Variants in LTAP1 observed in about 807,000 individuals in gnomAD.
The protein encoded by LTAP1 is HCV NS5A-transactivated protein 4.
the LTAP1 span, among the ~76,000 whole-genome samples, chr1:154,208,733 A>T: frequency 6.6e-6 from 1 of 152,276 alleles, no homozygotes; most frequent in South Asian, 2.1e-4. Flanking sequence ...GAACATTCCT[A>T]GAAACTACAA....
the LTAP1 span, chr1:154,213,877 G>C: frequency 1.3e-5 from 21 of 1,609,204 alleles, no homozygotes; most frequent in Non-Finnish European, 1.7e-5. Context: ...AATGGACCCT[G>C]TCAGGTAGCC....
chr1:154,216,341 T>A, the LTAP1 span, among the ~76,000 whole-genome samples: 5 of 31,070 alleles, frequency 1.6e-4, no homozygotes, highest in Non-Finnish European at 2.2e-4. Context: ...AAAAAAAAAA[T>A]TTTTTTTTTT....
At chr1:154,216,908 C>G in the LTAP1 span, among the ~76,000 whole-genome samples, 1 of 152,022 alleles carries the variant, frequency 6.6e-6, no homozygotes, top group Non-Finnish European at 1.5e-5. Flanking sequence ...CTCGGCCTCC[C>G]AAAGTGCTAG....
At chr1:154,213,500 GAT>G in the LTAP1 span, among the ~76,000 whole-genome samples, 3 of 152,298 alleles carry the variant, frequency 2.0e-5, no homozygotes, top group African/African-American at 7.2e-5. Context: ...CTAGGTTTAA[GAT>G]ATAAACTGTT....
the LTAP1 span, chr1:154,214,611 C>A: frequency 7.5e-7 from 1 of 1,333,264 alleles, no homozygotes; most frequent in Non-Finnish European, 1.1e-6. Flanking sequence ...ATCATTTACC[C>A]TGCACTCTGC....
At chr1:154,215,750 G>A in the LTAP1 span, among the ~76,000 whole-genome samples, 1 of 151,722 alleles carries the variant, frequency 6.6e-6, no homozygotes, top group Non-Finnish European at 1.5e-5. Context: ...AGGTAACATA[G>A]ATGTACATTT....
the LTAP1 span, chr1:154,212,301 C>T: frequency 1.4e-5 from 23 of 1,613,790 alleles, no homozygotes; most frequent in South Asian, 5.5e-5. Flanking sequence ...CCCTCTGACA[C>T]GTTCCCCTCC....
chr1:154,207,952 T>A, the LTAP1 span, among the ~76,000 whole-genome samples: 1 of 151,826 alleles, frequency 6.6e-6, no homozygotes, highest in Non-Finnish European at 1.5e-5. Context: ...AATACAAAAA[T>A]TAGCTGGGAG....
the LTAP1 span, among the ~76,000 whole-genome samples, chr1:154,218,621 G>A: frequency 6.6e-6 from 1 of 152,176 alleles, no homozygotes. Context: ...CAACTAACCT[G>A]TTTTTCATTC....
the LTAP1 span, among the ~76,000 whole-genome samples, chr1:154,209,087 G>A: frequency 1.3e-5 from 2 of 152,106 alleles, no homozygotes; most frequent in Non-Finnish European, 2.9e-5. Flanking sequence ...TAAAATACAT[G>A]TAACATAAAA....
chr1:154,214,137 C>T, the LTAP1 span, among the ~76,000 whole-genome samples: 1 of 152,194 alleles, frequency 6.6e-6, no homozygotes, highest in East Asian at 1.9e-4. Flanking sequence ...ATTAGCCAGG[C>T]GTGGTGGCGC....
chr1:154,215,840 C>CT, the LTAP1 span, among the ~76,000 whole-genome samples: 771 of 137,730 alleles, frequency 5.6e-3, 6 homozygotes, highest in African/African-American at 0.014. Flanking sequence ...CACTAACTTT[C>CT]TTTTTTTTTT....
the LTAP1 span, among the ~76,000 whole-genome samples, chr1:154,211,321 ATTCTTTTTTTTT>A: frequency 1.1e-3 from 104 of 92,864 alleles, no homozygotes; most frequent in African/African-American, 4.7e-3. Context: ...ATGTTATTTA[ATTCTTTTTTTTT>A]TTTTTTTTTT....
chr1:154,220,035 G>C, the LTAP1 span: 3 of 1,095,276 alleles, frequency 2.7e-6, no homozygotes, highest in Admixed American at 7.8e-5. Context: ...CCAGATTCCG[G>C]CTCTCAGGAA....
the LTAP1 span, among the ~76,000 whole-genome samples, chr1:154,218,240 C>T: frequency 3.9e-5 from 6 of 152,192 alleles, no homozygotes; most frequent in African/African-American, 1.4e-4. Flanking sequence ...ACTGTTGGAC[C>T]ATGGATTAGG....
the LTAP1 span, among the ~76,000 whole-genome samples, chr1:154,211,066 G>A: frequency 6.6e-6 from 1 of 151,722 alleles, no homozygotes; most frequent in Admixed American, 6.6e-5. Context: ...AAGTGCAATG[G>A]CATGATATCG....
At chr1:154,214,154 G>A in the LTAP1 span, among the ~76,000 whole-genome samples, 1 of 152,174 alleles carries the variant, frequency 6.6e-6, no homozygotes, top group East Asian at 1.9e-4. Flanking sequence ...GCGCATGCCT[G>A]TAATCCCAGC....
chr1:154,214,067 C>T, the LTAP1 span: 23 of 843,018 alleles, frequency 2.7e-5, no homozygotes, highest in East Asian at 4.3e-4. Context: ...CACCTGAGGT[C>T]AGGAGTTTGA....
the LTAP1 span, chr1:154,214,531 T>G: frequency 6.2e-7 from 1 of 1,613,992 alleles, no homozygotes; most frequent in Non-Finnish European, 8.5e-7. Flanking sequence ...ATACTTGATA[T>G]CCTGAACCCT....
Sources: gnomAD v4.1 joint callset for allele counts (sites outside exome capture counted in the v4.1 genomes callset) on GRCh38, gnomAD v4.1.1 for gene constraint, MANE v1.5 for transcripts, NCBI Gene and HGNC (gene_info 2026-07-23, HGNC 2026-07-21) for gene names.